FGFR2: variants seen among roughly 807,000 people sequenced by gnomAD.
FGFR2 encodes fibroblast growth factor receptor 2, also known as BEK fibroblast growth factor receptor.
Under a neutral mutation model 95.9 loss-of-function variants are expected in FGFR2, and 19 were observed. The observed-to-expected ratio is 0.20, with a 90% CI of 0.14 to 0.29. The LOEUF (loss-of-function observed/expected upper bound fraction) is 0.29. Among genes scored for constraint, FGFR2 ranks in the 10% least tolerant of loss-of-function variants. The pLI, the probability that FGFR2 is intolerant of heterozygous loss-of-function variation, is 1.00. For missense variants in FGFR2, 707 were observed against 1,056.9 expected, an observed-to-expected ratio of 0.67 and a Z score of 4.59; for synonymous variants, 392 against 393.3, an observed-to-expected ratio of 1.00 and a Z score of 0.04.
chr10:121,483,860 G>A (rs2133773483), intron 16 of FGFR2, 57 bp from the exon 17 acceptor site: 3 of 1,358,148 alleles, frequency 2.2e-6, no homozygotes, highest in Non-Finnish European at 3.1e-6. Flanking sequence ...CGTGGTTATA[G>A]TCAGTTTTAA....
intron 4 of FGFR2, among the ~76,000 whole-genome samples, chr10:121,555,277 G>A (rs1338023224): frequency 1.3e-5 from 2 of 152,124 alleles, no homozygotes; most frequent in Non-Finnish European, 2.9e-5. Flanking sequence ...GGAGGGTGAG[G>A]CAGGAGAATT....
At chr10:121,543,876 T>G (rs1169357693) in intron 5 of FGFR2, among the ~76,000 whole-genome samples, 2 of 152,206 alleles carry the variant, frequency 1.3e-5, no homozygotes, top group African/African-American at 2.4e-5. Context: ...CATGTTTTCT[T>G]AGAGGCCCGT....
intron 2 of FGFR2, among the ~76,000 whole-genome samples, chr10:121,591,011 ACTCT>A (rs76266908): frequency 1.4e-3 from 200 of 144,426 alleles, no homozygotes; most frequent in African/African-American, 3.5e-3. Context: ...ACACACGCAC[ACTCT>A]CTCTCTCTCT....
intron 16 of FGFR2, 120 bp from the exon 17 acceptor site, chr10:121,483,923 A>G: frequency 1.3e-6 from 1 of 745,120 alleles, no homozygotes; most frequent in Non-Finnish European, 2.4e-6. Flanking sequence ...GAACCTTCCA[A>G]GCAACTAGAT....
intron 4 of FGFR2, among the ~76,000 whole-genome samples, chr10:121,562,858 G>T (rs963749528): frequency 6.6e-6 from 1 of 152,212 alleles, no homozygotes; most frequent in African/African-American, 2.4e-5. Flanking sequence ...GTTGATAACA[G>T]GACAGGCTAT....
At position 121,517,198 on chromosome 10, in the gene FGFR2, C is replaced by T. The variant is rs569715924; in HGVS notation, c.1084+121G>A. ...CTTATCCCTGAGGGATCATTTTTAA[C>T]ATTTTTTATATCTTTATGCAAGGAT... is the stretch of plus-strand genomic sequence containing the variant. On this transcript the variant is annotated intron_variant, in intron 8 of 17. Transcript: ENST00000358487. The surrounding 1 kb of genome is among the most constrained non-coding windows in gnomAD (Gnocchi z 4.7). 3 of 1,145,196 alleles carry T rather than the reference C, an allele frequency of 2.6e-6. No homozygotes were observed. Among genetic ancestry groups the T allele is most frequent in the Non-Finnish European group, 3.9e-6 (3 of 772,016 alleles). 70.9% of individuals were successfully genotyped at this position (1,145,196 alleles called of 1,614,324 possible). A position where few individuals can be genotyped will look rare whatever the true frequency, so the allele number is the denominator to read the frequency against.
intron 5 of FGFR2, among the ~76,000 whole-genome samples, chr10:121,548,848 C>T (rs190177971): frequency 2.6e-5 from 4 of 152,194 alleles, no homozygotes; most frequent in Admixed American, 6.5e-5. Context: ...CTTAACTCTT[C>T]CTTTCTAACC....
At chr10:121,486,879 T>C (rs776327083) in intron 15 of FGFR2, among the ~76,000 whole-genome samples, 12 of 152,200 alleles carry the variant, frequency 7.9e-5, no homozygotes. Flanking sequence ...GACCTTTTTG[T>C]TGAGGGATAA....
intron 4 of FGFR2, among the ~76,000 whole-genome samples, chr10:121,552,043 C>G (rs1350043515): frequency 6.6e-6 from 1 of 151,508 alleles, no homozygotes; most frequent in African/African-American, 2.4e-5. Context: ...AACTGTATCA[C>G]TAAATACATA....
intron 4 of FGFR2, among the ~76,000 whole-genome samples, chr10:121,552,332 G>A (rs560579631): frequency 3.3e-5 from 5 of 152,212 alleles, no homozygotes; most frequent in Admixed American, 6.5e-5. Context: ...TAATAATGGC[G>A]AATGACTACT....
At chr10:121,493,895 C>G (rs1846450016) in intron 13 of FGFR2, among the ~76,000 whole-genome samples, 1 of 152,122 alleles carries the variant, frequency 6.6e-6, no homozygotes, top group Non-Finnish European at 1.5e-5. Flanking sequence ...GCACCACCAT[C>G]CAGTTTTTCA....
intron 2 of FGFR2, among the ~76,000 whole-genome samples, chr10:121,581,097 A>T (rs1285899525): frequency 1.3e-5 from 2 of 152,234 alleles, no homozygotes; most frequent in Admixed American, 6.5e-5. Context: ...GTAACAGAAA[A>T]GAGATAGGAA....
At chr10:121,503,424 G>A (rs1847858609) in intron 10 of FGFR2, among the ~76,000 whole-genome samples, 1 of 152,222 alleles carries the variant, frequency 6.6e-6, no homozygotes. Flanking sequence ...GAAGTGAACA[G>A]AGAACAGTCT....
intron 5 of FGFR2, among the ~76,000 whole-genome samples, chr10:121,548,340 C>T (rs1854874595): frequency 2.2e-5 from 3 of 133,830 alleles, no homozygotes; most frequent in Middle Eastern, 0.011. Context: ...TTCCTTTTCC[C>T]TCCAGAAACG....
intron 5 of FGFR2, among the ~76,000 whole-genome samples, chr10:121,548,835 T>C (rs1227223823): frequency 1.3e-5 from 2 of 152,294 alleles, no homozygotes; most frequent in East Asian, 3.9e-4. Flanking sequence ...GTGATTTTAG[T>C]GGCTTAACTC....
intron 9 of FGFR2, 109 bp downstream of exon 9, chr10:121,515,008 G>T: frequency 9.7e-7 from 1 of 1,031,200 alleles, no homozygotes; most frequent in Non-Finnish European, 1.5e-6. Flanking sequence ...AGAATCACTC[G>T]CACATGGAAG....
Position 121,479,995 on chromosome 10 carries a change from G to C in FGFR2, c.2328C>G (p.Leu776=), listed in dbSNP as rs148478597. 3.1e-6 allele frequency: 5 copies of C among 1,614,072 alleles called. No individual in the cohort carries two copies. The highest frequency in any genetic ancestry group is 1.3e-5 in the African/African-American group (1 of 74,932). ...CAGGGTAACTAGGTGAATACTGTTC[G>C]AGAGGTTGGCTGAGGTCCAAGTATT... ...NEEYLDLSQP[L]EQYSPSYPDT... The change falls in exon 18 of 18, where the codon CTC becomes CTG. Residue 776 remains leucine, a synonymous_variant. Transcript: ENST00000358487.
chr10:121,508,555 A>G (rs1419279656), intron 9 of FGFR2, among the ~76,000 whole-genome samples: 1 of 152,218 alleles, frequency 6.6e-6, no homozygotes, highest in Non-Finnish European at 1.5e-5. Flanking sequence ...CTGTCTCGAG[A>G]AGATTTTCAT....
intron 15 of FGFR2, 56 bp downstream of exon 15, chr10:121,487,298 A>G: frequency 7.4e-7 from 1 of 1,347,426 alleles, no homozygotes; most frequent in Non-Finnish European, 1.1e-6. Flanking sequence ...TGAAGTACGT[A>G]CAGTATTTTT....
Sources: allele counts gnomAD v4.1 joint callset (sites outside exome capture counted in the v4.1 genomes callset), GRCh38; gene constraint gnomAD v4.1.1; non-coding constraint Gnocchi (gnomAD v3.1); transcripts MANE v1.5; gene names NCBI Gene and HGNC (gene_info 2026-07-23, HGNC 2026-07-21).